Variants in MIPOL1 observed in about 807,000 individuals in gnomAD.
The protein encoded by MIPOL1 is mirror-image polydactyly gene 1 protein.
MIPOL1 carries 57 observed loss-of-function variants against 60.9 expected under a neutral mutation model. The ratio of observed to expected loss-of-function variants is 0.94; its 90% CI spans 0.76 to 1.17. The LOEUF (loss-of-function observed/expected upper bound fraction) is 1.17. MIPOL1 is among the 50% of genes most tolerant of loss of function. The pLI, the probability that MIPOL1 is intolerant of heterozygous loss-of-function variation, is 0.00. For synonymous variants in MIPOL1, 179 were observed against 168.8 expected, an observed-to-expected ratio of 1.06 and a Z score of -0.47; for missense variants, 551 against 511.6, an observed-to-expected ratio of 1.08 and a Z score of -0.74.
At chr14:37,422,270 G>T (rs536676093) in intron 10 of MIPOL1, among the ~76,000 whole-genome samples, 4 of 151,776 alleles carry the variant, frequency 2.6e-5, no homozygotes, top group East Asian at 1.9e-4. Context: ...TAGCATTTAC[G>T]GTTGCTGCCG....
chr14:37,489,786 G>C (rs1328160420), intron 11 of MIPOL1, among the ~76,000 whole-genome samples: 3 of 152,202 alleles, frequency 2.0e-5, no homozygotes, highest in African/African-American at 7.2e-5. Context: ...AGAAGTTGCA[G>C]AATAGCAGTA....
intron 7 of MIPOL1, among the ~76,000 whole-genome samples, chr14:37,294,010 C>T (rs2085358629): frequency 6.6e-6 from 1 of 152,204 alleles, no homozygotes; most frequent in Non-Finnish European, 1.5e-5. Flanking sequence ...CAGACTGCCT[C>T]CTCAAGTGGG....
chr14:37,526,369 C>CTTTTTTTTT (rs1191140443), intron 12 of MIPOL1, among the ~76,000 whole-genome samples: 7 of 128,200 alleles, frequency 5.5e-5, no homozygotes, highest in East Asian at 2.2e-4. Context: ...TACTTCTTTT[C>CTTTTTTTTT]TTTTTTTTTT....
chr14:37,226,508 G>T (rs1969766226), intron 1 of MIPOL1, among the ~76,000 whole-genome samples: 1 of 152,144 alleles, frequency 6.6e-6, no homozygotes, highest in African/African-American at 2.4e-5. Flanking sequence ...GATCTCATGA[G>T]ACTTATTCAC....
At chr14:37,483,094 A>G (rs1485289592) in intron 11 of MIPOL1, among the ~76,000 whole-genome samples, 1 of 150,006 alleles carries the variant, frequency 6.7e-6, no homozygotes, top group East Asian at 2.0e-4. Flanking sequence ...AAATCTGCAC[A>G]TGTTCAGTAT....
At chr14:37,361,527 A>G (rs980607845) in intron 9 of MIPOL1, among the ~76,000 whole-genome samples, 4 of 148,712 alleles carry the variant, frequency 2.7e-5, no homozygotes, top group Non-Finnish European at 5.9e-5. Flanking sequence ...TTGGGTGCAT[A>G]TATATTTAGG....
intron 10 of MIPOL1, among the ~76,000 whole-genome samples, chr14:37,419,205 G>C (rs549005547): frequency 6.6e-6 from 1 of 152,174 alleles, no homozygotes; most frequent in Admixed American, 6.5e-5. Context: ...TAATATGGAT[G>C]AATCTCAAAA....
chr14:37,491,677 T>C (rs1297333348), intron 11 of MIPOL1, among the ~76,000 whole-genome samples: 1 of 152,206 alleles, frequency 6.6e-6, no homozygotes, highest in Non-Finnish European at 1.5e-5. Context: ...TTGTAATAAA[T>C]ATTAATAAAT....
At chr14:37,475,888 T>C (rs1386206345) in intron 11 of MIPOL1, among the ~76,000 whole-genome samples, 1 of 152,238 alleles carries the variant, frequency 6.6e-6, no homozygotes, top group Non-Finnish European at 1.5e-5. Flanking sequence ...CCTTATATAC[T>C]GAGTTGACTA....
rs765784489 is a variant in MIPOL1 at position 37,268,823 on chromosome 14, A to G, written c.387+30A>G. The G allele has an allele frequency of 8.0e-6, 12 of 1,493,142 alleles. No homozygotes were observed. In the Admixed American group the frequency reaches 2.4e-4, roughly 30 times the overall value. 92.5% of individuals were successfully genotyped at this position (1,493,142 alleles called of 1,614,324 possible). A position where few individuals can be genotyped will look rare whatever the true frequency, so the allele number is the denominator to read the frequency against. On this transcript the variant is annotated intron_variant, in intron 5 of 12. Coordinates refer to ENST00000684589, the MANE Select transcript of MIPOL1 (RefSeq NM_001388067.1). The stretch of plus-strand genomic sequence containing the variant: ...AATATGGAAAGTCTGATAATTGTAT[A>G]GTATGGGTTTAGCTGTTGATCTTCT...
intron 1 of MIPOL1, among the ~76,000 whole-genome samples, chr14:37,225,753 G>A (rs951476537): frequency 1.8e-4 from 28 of 152,202 alleles, no homozygotes; most frequent in South Asian, 8.3e-4. Flanking sequence ...TTATGCAGTC[G>A]GCTTGAATTT....
At chr14:37,285,575 GTCTTTT>G in intron 7 of MIPOL1, 128 bp downstream of exon 7, 1 of 887,342 alleles carries the variant, frequency 1.1e-6, no homozygotes, top group Non-Finnish European at 1.6e-6. Context: ...CATGTCTCCA[GTCTTTT>G]TCTTTTTTTC....
intron 5 of MIPOL1, among the ~76,000 whole-genome samples, chr14:37,269,457 T>C (rs569659441): frequency 1.3e-5 from 2 of 152,196 alleles, no homozygotes; most frequent in African/African-American, 4.8e-5. Flanking sequence ...AACTGAAGCA[T>C]GATGTTAGGA....
chr14:37,297,204 C>G (rs1233286226), intron 7 of MIPOL1, among the ~76,000 whole-genome samples: 2 of 152,126 alleles, frequency 1.3e-5, no homozygotes, highest in Admixed American at 1.3e-4. Context: ...AAGATAAAAA[C>G]CACATGATTA....
chr14:37,462,668 C>A (rs1205236955), intron 11 of MIPOL1, among the ~76,000 whole-genome samples: 3 of 152,120 alleles, frequency 2.0e-5, no homozygotes, highest in African/African-American at 7.2e-5. Context: ...CACCAGATAC[C>A]CTAAATCATG....
chr14:37,533,283 C>A (rs2095490340), intron 12 of MIPOL1, among the ~76,000 whole-genome samples: 1 of 152,076 alleles, frequency 6.6e-6, no homozygotes, highest in South Asian at 2.1e-4. Context: ...CCAGTAATAC[C>A]ATGAATGAAA....
intron 11 of MIPOL1, among the ~76,000 whole-genome samples, chr14:37,434,865 AAC>A (rs1555342461): frequency 6.6e-6 from 1 of 151,876 alleles, no homozygotes; most frequent in Non-Finnish European, 1.5e-5. Context: ...AAAAAAAAAA[AAC>A]AAAATACCTT....
chr14:37,268,878 GT>G, intron 5 of MIPOL1, 85 bp downstream of exon 5: 5 of 1,122,666 alleles, frequency 4.5e-6, no homozygotes, highest in Middle Eastern at 2.2e-4. Flanking sequence ...TCATAATTCA[GT>G]TTTATTTTGC....
At chr14:37,462,697 C>G (rs1028436085) in intron 11 of MIPOL1, among the ~76,000 whole-genome samples, 6 of 152,152 alleles carry the variant, frequency 3.9e-5, no homozygotes, top group Non-Finnish European at 8.8e-5. Context: ...GTTCAAAGTT[C>G]TACAAATCTC....
Sources: allele counts gnomAD v4.1 joint callset (sites outside exome capture counted in the v4.1 genomes callset), GRCh38; gene constraint gnomAD v4.1.1; transcripts MANE v1.5; gene names NCBI Gene and HGNC (gene_info 2026-07-23, HGNC 2026-07-21).